The following GLG1 variants were observed in gnomAD, a reference collection of about 807,000 sequenced individuals.
The protein encoded by GLG1 is golgi glycoprotein 1.
GLG1 carries 38 observed loss-of-function variants against 160.5 expected under a neutral mutation model. The observed-to-expected ratio is 0.24, with a 90% CI of 0.18 to 0.31. The LOEUF (loss-of-function observed/expected upper bound fraction) is 0.31. Ranked by LOEUF, GLG1 falls within the 10% of genes least tolerant of loss-of-function variation. The pLI, the probability that GLG1 is intolerant of heterozygous loss-of-function variation, is 1.00. For synonymous variants in GLG1, 644 were observed against 543.4 expected, an observed-to-expected ratio of 1.19 and a Z score of -2.57; for missense variants, 1,373 against 1,505.2, an observed-to-expected ratio of 0.91 and a Z score of 1.45.
chr16:74,596,922 G>T (rs973944716), intron 1 of GLG1, among the ~76,000 whole-genome samples: 2 of 152,122 alleles, frequency 1.3e-5, no homozygotes. Context: ...TTGGAGACCA[G>T]CCTGGACAAC....
chr16:74,504,681 C>T (rs117166109), intron 3 of GLG1, among the ~76,000 whole-genome samples: 2,370 of 152,254 alleles, frequency 0.016, 30 homozygotes, highest in Non-Finnish European at 0.022. Flanking sequence ...CCGCTGTGGT[C>T]TGGGACACAT....
chr16:74,499,140 G>A (rs944094171), intron 4 of GLG1, among the ~76,000 whole-genome samples: 4 of 152,182 alleles, frequency 2.6e-5, no homozygotes, highest in African/African-American at 9.7e-5. Flanking sequence ...AGAACATGAA[G>A]TGTCTAGCTA....
chr16:74,563,456 C>CA (rs1204198650), intron 1 of GLG1: 3 of 152,200 alleles, frequency 2.0e-5, no homozygotes, highest in African/African-American at 7.2e-5. Flanking sequence ...GGGCTGGACG[C>CA]AGTGGCTCAT....
At chr16:74,542,295 C>G (rs2143656490) in intron 1 of GLG1, among the ~76,000 whole-genome samples, 1 of 149,634 alleles carries the variant, frequency 6.7e-6, no homozygotes, top group Non-Finnish European at 1.5e-5. Flanking sequence ...CTTTCTTTGC[C>G]CTGTCACATG....
intron 4 of GLG1, among the ~76,000 whole-genome samples, chr16:74,499,219 G>C (rs553963856): frequency 1.2e-5 from 1 of 80,616 alleles, no homozygotes; most frequent in Admixed American, 1.4e-4. Flanking sequence ...CCTAAAACTT[G>C]TTTGTTGTTG....
At chr16:74,490,198 G>T (rs1039680604) in intron 8 of GLG1, among the ~76,000 whole-genome samples, 1 of 152,160 alleles carries the variant, frequency 6.6e-6, no homozygotes, top group Non-Finnish European at 1.5e-5. Flanking sequence ...TGGACAACAG[G>T]AATGAAAGGG....
chr16:74,606,082 C>T (rs1436998816), intron 1 of GLG1, among the ~76,000 whole-genome samples: 1 of 152,186 alleles, frequency 6.6e-6, no homozygotes, highest in Non-Finnish European at 1.5e-5. Context: ...ACTTTTCAAG[C>T]TTTGGGGCGC....
intron 4 of GLG1, among the ~76,000 whole-genome samples, chr16:74,498,321 A>G (rs2016271923): frequency 6.7e-6 from 1 of 148,578 alleles, no homozygotes; most frequent in African/African-American, 2.5e-5. Flanking sequence ...AATCCCAGCT[A>G]TTCGGGAAGC....
intron 10 of GLG1, among the ~76,000 whole-genome samples, chr16:74,480,617 T>G (rs562102058): frequency 6.6e-6 from 1 of 151,616 alleles, no homozygotes; most frequent in Non-Finnish European, 1.5e-5. Flanking sequence ...AGTGCAGTGG[T>G]GCTATCTTGA....
chr16:74,535,019 T>C (rs2017648975), intron 1 of GLG1, among the ~76,000 whole-genome samples: 2 of 152,240 alleles, frequency 1.3e-5, no homozygotes. Context: ...CCCCTGCCAT[T>C]CCCCATGAGA....
chr16:74,581,534 T>TAAAAAA (rs33982914), intron 1 of GLG1, among the ~76,000 whole-genome samples: 6 of 132,030 alleles, frequency 4.5e-5, no homozygotes, highest in African/African-American at 5.7e-5. Context: ...ATGTAAGATT[T>TAAAAAA]AAAAAAAAAA....
chr16:74,586,896 A>G (rs1958065756), intron 1 of GLG1, among the ~76,000 whole-genome samples: 1 of 151,896 alleles, frequency 6.6e-6, no homozygotes, highest in South Asian at 2.1e-4. Context: ...GGGTTTCACC[A>G]TGTTCGTCAG....
intron 1 of GLG1, among the ~76,000 whole-genome samples, chr16:74,587,834 G>A (rs1421098087): frequency 2.6e-5 from 4 of 152,166 alleles, no homozygotes; most frequent in East Asian, 1.9e-4. Flanking sequence ...CCAGCCTGGC[G>A]ACACAGTGAG....
At chr16:74,507,774 T>C (rs566995248) in intron 3 of GLG1, among the ~76,000 whole-genome samples, 3 of 152,120 alleles carry the variant, frequency 2.0e-5, no homozygotes, top group South Asian at 4.2e-4. Flanking sequence ...AGTACCACAA[T>C]ATAGAGGGAA....
At chr16:74,573,796 G>C (rs906734592) in intron 1 of GLG1, among the ~76,000 whole-genome samples, 2 of 145,228 alleles carry the variant, frequency 1.4e-5, no homozygotes, top group African/African-American at 4.9e-5. Flanking sequence ...CCTATCTAGC[G>C]TCTTTTTTTT....
intron 1 of GLG1, among the ~76,000 whole-genome samples, chr16:74,575,701 CA>C (rs1597363901): frequency 6.6e-6 from 1 of 152,164 alleles, no homozygotes; most frequent in East Asian, 1.9e-4. Flanking sequence ...CGGATTCAAG[CA>C]ATTCTCCTGC....
intron 2 of GLG1, among the ~76,000 whole-genome samples, chr16:74,512,553 C>T (rs1352554996): frequency 6.6e-6 from 1 of 152,010 alleles, no homozygotes; most frequent in Non-Finnish European, 1.5e-5. Context: ...CGTGAGTCAT[C>T]GCGCCTGGCC....
chr16:74,454,802 G>C (rs1275290216), intron 25 of GLG1, among the ~76,000 whole-genome samples: 1 of 150,818 alleles, frequency 6.6e-6, no homozygotes, highest in African/African-American at 2.4e-5. Context: ...AAGGTGCTGG[G>C]ATTATAGGTG....
intron 2 of GLG1, among the ~76,000 whole-genome samples, chr16:74,529,749 T>C (rs2017465866): frequency 6.6e-6 from 1 of 151,282 alleles, no homozygotes; most frequent in Non-Finnish European, 1.5e-5. Context: ...GTTTTTTGGA[T>C]ACTATTTGTC....
Sources: gnomAD v4.1 joint callset for allele counts (sites outside exome capture counted in the v4.1 genomes callset) on GRCh38, gnomAD v4.1.1 for gene constraint, MANE v1.5 for transcripts, NCBI Gene and HGNC (gene_info 2026-07-23, HGNC 2026-07-21) for gene names.